Variants in FAM171A1 observed in about 807,000 individuals in gnomAD.
The protein encoded by FAM171A1 is protein FAM171A1.
A neutral mutation model predicts 74.9 loss-of-function variants in FAM171A1; 23 were observed. The observed-to-expected ratio is 0.31, with a 90% confidence interval of 0.22 to 0.44. The LOEUF (loss-of-function observed/expected upper bound fraction) is 0.44, where lower values mean the gene tolerates loss of function less well. FAM171A1 is among the 20% of genes least tolerant of loss of function. The pLI, the probability that FAM171A1 is intolerant of heterozygous loss-of-function variation, is 1.00. For missense variants in FAM171A1, 1,162 were observed against 1,159.2 expected (o/e 1.00, Z -0.03); for synonymous variants, 527 against 505.7 (o/e 1.04, Z -0.57).
At chr10:15,262,633 A>G (rs1235889588) in intron 3 of FAM171A1, among the ~76,000 whole-genome samples, 3 of 152,208 alleles carry the variant, frequency 2.0e-5, no homozygotes, top group Non-Finnish European at 4.4e-5. Context: ...TGTGCCTGGC[A>G]AGGGGAGGTA....
At position 15,371,074 on chromosome 10, in the gene FAM171A1, G is replaced by T; in HGVS notation, c.-22C>A. 9.7e-7 allele frequency: 1 copy of T among 1,027,522 alleles called. No homozygotes were observed. The highest frequency in any genetic ancestry group is 1.2e-6 in the Non-Finnish European group (1 of 850,872). 63.7% of individuals were successfully genotyped at this position (1,027,522 alleles called of 1,614,324 possible). ...TCATCTCCGCCGCGGGGCCGGCGGC[G>T]GCTCGGGCTCGCCGAGAGCGGGCCG... is the stretch of plus-strand genomic sequence containing the variant. On this transcript the variant is annotated 5_prime_UTR_variant, in exon 1 of 8. Transcript: ENST00000378116.
intron 1 of FAM171A1, among the ~76,000 whole-genome samples, chr10:15,297,305 C>T (rs1308258194): frequency 6.6e-6 from 1 of 152,080 alleles, no homozygotes; most frequent in Non-Finnish European, 1.5e-5. Context: ...GTGGTCCACC[C>T]ACCTCGGATT....
chr10:15,231,290 G>A (rs919418069), intron 5 of FAM171A1, among the ~76,000 whole-genome samples: 1 of 151,792 alleles, frequency 6.6e-6, no homozygotes, highest in African/African-American at 2.4e-5. Flanking sequence ...CTGCAGCTTC[G>A]ACCTCCTGGC....
chr10:15,332,501 T>C (rs1430260690), intron 1 of FAM171A1, among the ~76,000 whole-genome samples: 1 of 152,224 alleles, frequency 6.6e-6, no homozygotes, highest in Non-Finnish European at 1.5e-5. Context: ...TCTGGGGCGC[T>C]GCTTGGCAAT....
At chr10:15,235,307 A>AC (rs1375180334) in intron 5 of FAM171A1, among the ~76,000 whole-genome samples, 1 of 149,788 alleles carries the variant, frequency 6.7e-6, no homozygotes, top group African/African-American at 2.4e-5. Context: ...GTCTCAAAAA[A>AC]AAAAAAAAAA....
chr10:15,278,998 T>A (rs1564631280), intron 2 of FAM171A1, among the ~76,000 whole-genome samples: 1 of 152,148 alleles, frequency 6.6e-6, no homozygotes, highest in Non-Finnish European at 1.5e-5. Flanking sequence ...GGGCTAGGGT[T>A]ACACTCCATG....
At chr10:15,255,804 C>A (rs892368678) in intron 3 of FAM171A1, among the ~76,000 whole-genome samples, 1 of 151,918 alleles carries the variant, frequency 6.6e-6, no homozygotes, top group African/African-American at 2.4e-5. Flanking sequence ...CCCGCCACCA[C>A]ACCCAGCTAA....
chr10:15,309,118 A>G (rs1835329623), intron 1 of FAM171A1, among the ~76,000 whole-genome samples: 1 of 152,214 alleles, frequency 6.6e-6, no homozygotes, highest in Non-Finnish European at 1.5e-5. Context: ...ATTTCTTACT[A>G]TGTAATCTGT....
chr10:15,243,298 G>T, intron 5 of FAM171A1, among the ~76,000 whole-genome samples: 1 of 152,012 alleles, frequency 6.6e-6, no homozygotes, highest in South Asian at 2.1e-4. Flanking sequence ...TGATGGCCGT[G>T]GGCCCACCCA....
At chr10:15,247,592 A>G (rs1465095840) in intron 5 of FAM171A1, among the ~76,000 whole-genome samples, 1 of 152,144 alleles carries the variant, frequency 6.6e-6, no homozygotes, top group African/African-American at 2.4e-5. Context: ...TGTGTGACCA[A>G]CAGCCTAATG....
intron 5 of FAM171A1, among the ~76,000 whole-genome samples, chr10:15,248,240 T>G (rs1439470736): frequency 6.6e-6 from 1 of 152,168 alleles, no homozygotes; most frequent in Non-Finnish European, 1.5e-5. Flanking sequence ...TTTCTTTGTT[T>G]TGTACAGTTT....
At chr10:15,262,699 GT>G in intron 3 of FAM171A1, among the ~76,000 whole-genome samples, 1 of 152,228 alleles carries the variant, frequency 6.6e-6, no homozygotes, top group Non-Finnish European at 1.5e-5. Context: ...CTTAAGAAGA[GT>G]TTTGCTTTGA....
intron 6 of FAM171A1, 130 bp from the exon 7 acceptor site, chr10:15,216,240 C>T (rs1833965210): frequency 1.4e-5 from 8 of 556,116 alleles, no homozygotes; most frequent in East Asian, 3.1e-5. Flanking sequence ...CAGAGGAAAA[C>T]GCCCTTGGAT....
intron 1 of FAM171A1, among the ~76,000 whole-genome samples, chr10:15,356,094 G>C (rs1835928962): frequency 6.6e-6 from 1 of 152,004 alleles, no homozygotes; most frequent in African/African-American, 2.4e-5. Flanking sequence ...AAACATCGTA[G>C]TGAAACCTCA....
chr10:15,214,753 CCTGT>C (rs1284612092), intron 7 of FAM171A1, 152 bp from the exon 8 acceptor site: 28 of 1,036,934 alleles, frequency 2.7e-5, no homozygotes, highest in African/African-American at 8.3e-5. Context: ...CACCCCACGC[CCTGT>C]CTTTTTTTTT....
chr10:15,248,162 T>C (rs1363475020), intron 5 of FAM171A1, among the ~76,000 whole-genome samples: 2 of 152,176 alleles, frequency 1.3e-5, no homozygotes, highest in African/African-American at 4.8e-5. Context: ...GTGAAAGCCC[T>C]AGAAGGACAG....
At chr10:15,275,141 T>C (rs936005142) in intron 3 of FAM171A1, among the ~76,000 whole-genome samples, 1 of 152,090 alleles carries the variant, frequency 6.6e-6, no homozygotes, top group African/African-American at 2.4e-5. Flanking sequence ...TTAGGAGATA[T>C]ACCTAATGTA....
intron 2 of FAM171A1, among the ~76,000 whole-genome samples, chr10:15,279,061 G>A (rs1028581237): frequency 6.6e-6 from 1 of 152,074 alleles, no homozygotes; most frequent in Non-Finnish European, 1.5e-5. Context: ...GAGCTCCCGT[G>A]GCGACTGCAG....
upstream of FAM171A1, among the ~76,000 whole-genome samples, chr10:15,372,694 G>A (rs1350455096): frequency 1.0e-4 from 6 of 59,702 alleles, no homozygotes; most frequent in Middle Eastern, 0.02. Flanking sequence ...CTGAGACCCC[G>A]TCTCAAAAAA....
Sources: allele counts gnomAD v4.1 joint callset (sites outside exome capture counted in the v4.1 genomes callset), GRCh38; gene constraint gnomAD v4.1.1; transcripts MANE v1.5; gene names NCBI Gene and HGNC (gene_info 2026-07-23, HGNC 2026-07-21).